PDE4D: variants seen among roughly 807,000 people sequenced by gnomAD.
PDE4D encodes phosphodiesterase 4D.
Under a neutral mutation model 87.4 loss-of-function variants are expected in PDE4D, and 24 were observed. The ratio of observed to expected loss-of-function variants is 0.27; its 90% CI spans 0.20 to 0.39. PDE4D has a LOEUF of 0.39. Ranked by LOEUF, PDE4D falls within the 10% of genes least tolerant of loss-of-function variation. The pLI, the probability that PDE4D is intolerant of heterozygous loss-of-function variation, is 1.00. For synonymous variants in PDE4D, 384 were observed against 383.2 expected, an observed-to-expected ratio of 1.00 and a Z score of -0.02; for missense variants, 714 against 1,041.0, an observed-to-expected ratio of 0.69 and a Z score of 4.32.
chr5:59,871,352 C>T (rs1469110004), intron 1 of PDE4D, among the ~76,000 whole-genome samples: 1 of 152,068 alleles, frequency 6.6e-6, no homozygotes, highest in Non-Finnish European at 1.5e-5. Context: ...GAAAAAGGAG[C>T]CAGAACCTCA....
chr5:59,377,734 T>C (rs887031552), intron 1 of PDE4D, among the ~76,000 whole-genome samples: 32 of 152,098 alleles, frequency 2.1e-4, no homozygotes, highest in African/African-American at 6.5e-4. Flanking sequence ...TCAACATCAC[T>C]CATCATTAGA....
At chr5:59,029,371 C>T (rs1216819513) in intron 6 of PDE4D, among the ~76,000 whole-genome samples, 4 of 140,356 alleles carry the variant, frequency 2.8e-5, no homozygotes, top group African/African-American at 1.1e-4. Context: ...AAGCCGAGAT[C>T]GCGCCACTGC....
chr5:59,259,169 T>C (rs1761519192), intron 1 of PDE4D, among the ~76,000 whole-genome samples: 1 of 151,938 alleles, frequency 6.6e-6, no homozygotes, highest in Admixed American at 6.6e-5. Flanking sequence ...CTTCTAATAA[T>C]AAACTGGCTA....
At chr5:59,698,382 G>A (rs1226176866) in intron 1 of PDE4D, among the ~76,000 whole-genome samples, 2 of 152,006 alleles carry the variant, frequency 1.3e-5, no homozygotes, top group East Asian at 1.9e-4. Flanking sequence ...ACATTGCATG[G>A]ATATTTGAGA....
intron 3 of PDE4D, among the ~76,000 whole-genome samples, chr5:59,985,642 C>CA (rs1156609353): frequency 1.3e-5 from 2 of 152,106 alleles, no homozygotes; most frequent in Non-Finnish European, 2.9e-5. Context: ...ACCCTTGTTC[C>CA]ATCTTTCAAA....
chr5:60,292,635 C>A (rs2149775440), intron 1 of PDE4D, among the ~76,000 whole-genome samples: 1 of 152,292 alleles, frequency 6.6e-6, no homozygotes, highest in South Asian at 2.1e-4. Context: ...AAGGCTATTT[C>A]TTCCAATTCT....
intron 2 of PDE4D, among the ~76,000 whole-genome samples, chr5:60,184,076 T>G (rs1395264868): frequency 6.6e-6 from 1 of 152,208 alleles, no homozygotes; most frequent in Non-Finnish European, 1.5e-5. Flanking sequence ...AGATAAAATT[T>G]TTTGCATTAA....
chr5:59,693,722 G>A (rs1266856022), intron 1 of PDE4D, among the ~76,000 whole-genome samples: 2 of 152,138 alleles, frequency 1.3e-5, no homozygotes, highest in African/African-American at 2.4e-5. Context: ...TGTACTTGTT[G>A]AATACGAATG....
intron 1 of PDE4D, among the ~76,000 whole-genome samples, chr5:59,521,650 C>A (rs1812260110): frequency 6.6e-6 from 1 of 152,088 alleles, no homozygotes; most frequent in African/African-American, 2.4e-5. Flanking sequence ...ACACTCTTTC[C>A]CCACTTTACC....
chr5:59,387,705 ATTTT>A (rs1219838710), intron 1 of PDE4D, among the ~76,000 whole-genome samples: 1 of 152,126 alleles, frequency 6.6e-6, no homozygotes, highest in Non-Finnish European at 1.5e-5. Context: ...GATGTAAAAC[ATTTT>A]ATTTACATAG....
At chr5:59,057,581 C>T (rs1188454278) in intron 5 of PDE4D, among the ~76,000 whole-genome samples, 1 of 152,218 alleles carries the variant, frequency 6.6e-6, no homozygotes, top group African/African-American at 2.4e-5. Flanking sequence ...TCTTCTCCAA[C>T]AGTCTGTTAT....
At chr5:60,106,674 C>A (rs1211180996) in intron 2 of PDE4D, among the ~76,000 whole-genome samples, 1 of 152,042 alleles carries the variant, frequency 6.6e-6, no homozygotes, top group African/African-American at 2.4e-5. Flanking sequence ...GACCACAGTG[C>A]AATCAAACTG....
At chr5:60,207,807 T>TC (rs1458704896) in intron 1 of PDE4D, among the ~76,000 whole-genome samples, 2 of 152,224 alleles carry the variant, frequency 1.3e-5, no homozygotes, top group Non-Finnish European at 2.9e-5. Flanking sequence ...ATTGAATCAA[T>TC]CAATGGTCTG....
At chr5:59,748,365 A>G (rs1289942554) in intron 1 of PDE4D, among the ~76,000 whole-genome samples, 1 of 152,130 alleles carries the variant, frequency 6.6e-6, no homozygotes, top group Non-Finnish European at 1.5e-5. Flanking sequence ...TGTTTATTGC[A>G]GCACTATTCA....
At position 59,941,142 on chromosome 5, in the gene PDE4D, G is replaced by A. The variant is rs142186031; in HGVS notation, c.272+47346C>T. ...AATAAGTATATTTCCTTCACAGTCA[G>A]GTGAGTTAATTTCCCTCAGTTAAGT... On this transcript the variant is annotated intron_variant, in intron 3 of 16. Coordinates refer to the PDE4D transcript ENST00000502484. 9.0e-3 allele frequency among the ~76,000 whole-genome samples: 1,368 copies of A among 152,242 alleles called. 11 individuals carry two copies. The highest frequency in any genetic ancestry group is 0.014 in the Non-Finnish European group (945 of 68,022).
intron 2 of PDE4D, among the ~76,000 whole-genome samples, chr5:59,213,020 A>G (rs140692943): frequency 7.6e-4 from 115 of 150,792 alleles, no homozygotes; most frequent in Admixed American, 1.4e-3. Flanking sequence ...GAGATGGAGG[A>G]GTAAAATGTT....
intron 1 of PDE4D, among the ~76,000 whole-genome samples, chr5:59,288,912 ACAC>A (rs1767485816): frequency 1.3e-5 from 2 of 152,172 alleles, no homozygotes; most frequent in Non-Finnish European, 2.9e-5. Context: ...GATGTCATCA[ACAC>A]CAGACCTATC....
chr5:59,457,983 A>AAATGTG (rs1800185918), intron 1 of PDE4D, among the ~76,000 whole-genome samples: 1 of 152,198 alleles, frequency 6.6e-6, no homozygotes, highest in South Asian at 2.1e-4. Context: ...ACAGCTAGGA[A>AAATGTG]AATGTGAACC....
intron 1 of PDE4D, among the ~76,000 whole-genome samples, chr5:59,469,454 CA>C (rs1802100691): frequency 6.6e-6 from 1 of 152,114 alleles, no homozygotes; most frequent in South Asian, 2.1e-4. Context: ...TGGCAAACAT[CA>C]GTAGTTTTCA....
Sources: gnomAD v4.1 joint callset for allele counts (sites outside exome capture counted in the v4.1 genomes callset) on GRCh38, gnomAD v4.1.1 for gene constraint, MANE v1.5 for transcripts, NCBI Gene and HGNC (gene_info 2026-07-23, HGNC 2026-07-21) for gene names.